Variants in LYST observed in about 807,000 individuals in gnomAD.
The protein encoded by LYST is lysosomal-trafficking regulator.
LYST carries 192 observed loss-of-function variants against 413.6 expected under a neutral mutation model. The ratio of observed to expected loss-of-function variants is 0.46; its 90% CI spans 0.41 to 0.52. LYST has a LOEUF of 0.52. Among genes scored for constraint, LYST ranks in the 20% least tolerant of loss-of-function variants. The pLI, the probability that LYST is intolerant of heterozygous loss-of-function variation, is 0.00. For synonymous variants in LYST, 1,525 were observed against 1,567.3 expected (o/e 0.97, Z 0.64); for missense variants, 3,815 against 4,499.9 (o/e 0.85, Z 4.35).
chr1:235,758,953 T>C lies in LYST; in HGVS notation c.6881+19A>G, dbSNP rs201902209. ...TAGTAAAATAAAGGTGGGAGGAGTG[T>C]ACAAAAACACATAAGTACCTGTGAG... On this transcript the variant is annotated intron_variant, in intron 23 of 52. Coordinates refer to ENST00000389793, the MANE Select transcript of LYST (RefSeq NM_000081.4). The C allele has an allele frequency of 1.9e-6, 3 of 1,613,262 alleles. No individual in the cohort carries two copies. Among genetic ancestry groups the C allele is most frequent in the Middle Eastern group, 1.7e-4 (1 of 6,056 alleles).
intron 17 of LYST, among the ~76,000 whole-genome samples, chr1:235,775,295 A>G (rs1483546622): frequency 6.6e-6 from 1 of 152,182 alleles, no homozygotes; most frequent in African/African-American, 2.4e-5. Flanking sequence ...TATATATACT[A>G]TAGTATACAA....
chr1:235,753,574 AT>A (rs1666703370), intron 25 of LYST, among the ~76,000 whole-genome samples: 1 of 152,164 alleles, frequency 6.6e-6, no homozygotes. Context: ...CAAAGAAACT[AT>A]GTTTGGGGGC....
In LYST at chr1:235,661,551, T is replaced by C. The variant is rs1658048098; in HGVS notation, c.*1389A>G. The stretch of plus-strand genomic sequence containing the variant: ...TAAGGTTAAAGCATACATGGCCACG[T>C]GCTTTCTCTCGAATCTATCTTGACA... On this transcript the variant is annotated 3_prime_UTR_variant, in exon 53 of 53. Transcript: ENST00000389793. The C allele has an allele frequency of 6.6e-6, 1 of 152,488 alleles. No individual in the cohort carries two copies. The highest frequency in any genetic ancestry group is 1.5e-5 in the Non-Finnish European group (1 of 68,032). 9.4% of individuals were successfully genotyped at this position (152,488 alleles called of 1,614,324 possible).
chr1:235,840,394 A>G lies in LYST; in HGVS notation c.-97-6727T>C, dbSNP rs527316548. Among the ~76,000 whole-genome samples, 5 of 152,338 alleles carry G rather than the reference A, an allele frequency of 3.3e-5. No individual in the cohort carries two copies. The South Asian group carries it at 1.0e-3, about 32-fold the overall frequency. On this transcript the variant is annotated intron_variant, in intron 1 of 52. Coordinates refer to ENST00000389793, the MANE Select transcript of LYST (RefSeq NM_000081.4). The stretch of plus-strand genomic sequence containing the variant: ...GTATCACAACTACAAAATGAGAAAC[A>G]GGAAAAGTGAGGATGGAGGGAGTGG...
At chr1:235,777,663 T>C (rs1400303458) in intron 16 of LYST, among the ~76,000 whole-genome samples, 6 of 152,208 alleles carry the variant, frequency 3.9e-5, no homozygotes, top group African/African-American at 9.6e-5. Flanking sequence ...CTTAAAAATA[T>C]TGGGAACTCT....
At chr1:235,835,557 G>A (rs755085625) in intron 1 of LYST, among the ~76,000 whole-genome samples, 1 of 152,188 alleles carries the variant, frequency 6.6e-6, no homozygotes, top group Non-Finnish European at 1.5e-5. Context: ...AGTTTACAAA[G>A]CCTCACTTGA....
intron 25 of LYST, among the ~76,000 whole-genome samples, chr1:235,754,229 CTTTT>C (rs71576486): frequency 2.4e-4 from 21 of 86,550 alleles, no homozygotes; most frequent in African/African-American, 5.0e-4. Flanking sequence ...CTTTTCTTTT[CTTTT>C]TTTTTTTTTT....
chr1:235,806,581 A>G lies in LYST; in HGVS notation c.2555T>C (p.Val852Ala), dbSNP rs748159666. Reference protein sequence around the residue: ...IDIEQKELSSVHVGTSFHHQQ... With the variant: ...IDIEQKELSSAHVGTSFHHQQ... ...ATGATGAAAAGAAGTACCCACATGT[A>G]CAGAGGACAACTCCTTCTGTTCAAT... The change falls in exon 6 of 53, where the codon GTA (valine) becomes GCA (alanine). Residue 852 changes from valine (V) to alanine (A), a missense_variant. Physicochemically the swap from Val to Ala is moderately conservative, Grantham distance 64. Transcript: ENST00000389793. 8.7e-6 allele frequency: 14 copies of G among 1,614,078 alleles called. No homozygotes were observed. The South Asian group carries it at 1.3e-4, about 15-fold the overall frequency.
In LYST at chr1:235,742,587, T is replaced by C. The variant is rs548510015; in HGVS notation, c.8152-959A>G. On this transcript the variant is annotated intron_variant, in intron 30 of 52. Coordinates refer to ENST00000389793, the MANE Select transcript of LYST (RefSeq NM_000081.4). ...ATTTTATGTTATATATATATATATA[T>C]ATCTTACCACAGTTTAAAAGAAGAC... 3.3e-5 allele frequency among the ~76,000 whole-genome samples: 5 copies of C among 151,192 alleles called. No individual in the cohort carries two copies. The East Asian group carries it at 9.7e-4, about 29-fold the overall frequency.
Position 235,661,369 on chromosome 1 carries a change from A to G in LYST, c.*1571T>C, listed in dbSNP as rs1300314519. ...AGTTCTCAGTAAAAAAATGAAAGCTAGACAATAGCTGCAATTTTTTGTTAA... is the reference window on the plus strand; with the variant it reads ...AGTTCTCAGTAAAAAAATGAAAGCTGGACAATAGCTGCAATTTTTTGTTAA... On this transcript the variant is annotated 3_prime_UTR_variant, in exon 53 of 53. Coordinates refer to ENST00000389793, the MANE Select transcript of LYST (RefSeq NM_000081.4). 1 of 152,562 alleles carries G rather than the reference A, an allele frequency of 6.6e-6. No individual in the cohort carries two copies. Among genetic ancestry groups the G allele is most frequent in the African/African-American group, 2.4e-5 (1 of 41,470 alleles). The allele number at this position is 152,562 out of a possible 1,614,324, so 9.5% of individuals were successfully genotyped here. A position where few individuals can be genotyped will look rare whatever the true frequency, so the allele number is the denominator to read the frequency against.
chr1:235,833,821 A>G (rs1676254446), intron 1 of LYST, among the ~76,000 whole-genome samples, 154 bp from the exon 2 acceptor site: 1 of 152,234 alleles, frequency 6.6e-6, no homozygotes, highest in Non-Finnish European at 1.5e-5. Context: ...TGCCTACTTC[A>G]AGAATTCCTC....
At chr1:235,803,483 T>C (rs2102843540) in intron 7 of LYST, among the ~76,000 whole-genome samples, 1 of 152,174 alleles carries the variant, frequency 6.6e-6, no homozygotes, top group East Asian at 1.9e-4. Context: ...ATAAGTTAGG[T>C]AACTAGAGCA....
intron 42 of LYST, among the ~76,000 whole-genome samples, chr1:235,713,579 G>C (rs1662583354): frequency 6.6e-6 from 1 of 152,330 alleles, no homozygotes; most frequent in South Asian, 2.1e-4. Context: ...GCAATGTCTA[G>C]CAACATTTTT....
rs540140648 is a variant in LYST, at chr1:235,804,391, C to A, written c.3555+113G>T. 3.5e-6 allele frequency: 3 copies of A among 847,558 alleles called. No homozygotes were observed. The African/African-American group carries it at 5.0e-5, about 14-fold the overall frequency. The allele number at this position is 847,558 out of a possible 1,614,324, so 52.5% of individuals were successfully genotyped here. On this transcript the variant is annotated intron_variant, in intron 7 of 52. Coordinates refer to ENST00000389793, the MANE Select transcript of LYST (RefSeq NM_000081.4). ...GATAAGATCCACTGAACTCATCTGACCAAGTCCTAGTCCATATGCTCTAAT... is the reference window on the plus strand; with the variant it reads ...GATAAGATCCACTGAACTCATCTGAACAAGTCCTAGTCCATATGCTCTAAT...
chr1:235,800,819 G>T, intron 9 of LYST, 52 bp downstream of exon 9: 3 of 1,217,294 alleles, frequency 2.5e-6, no homozygotes, highest in Non-Finnish European at 3.6e-6. Flanking sequence ...AGATGTTATT[G>T]GGTGATGAGT....
chr1:235,854,465 G>A lies in LYST; in HGVS notation c.-98+12378C>T, dbSNP rs1467031405. ...TCTTTCAGTAAATGGCCTCTACCCAGTGACTGAGGTGAGAAACCAGAATAG... is the reference window on the plus strand; with the variant it reads ...TCTTTCAGTAAATGGCCTCTACCCAATGACTGAGGTGAGAAACCAGAATAG... On this transcript the variant is annotated intron_variant, in intron 1 of 52. Transcript: ENST00000389793. The surrounding 1 kb of genome is among the most constrained non-coding windows in gnomAD (Gnocchi z 4.1). 2.6e-5 allele frequency among the ~76,000 whole-genome samples: 4 copies of A among 152,134 alleles called. No individual in the cohort carries two copies. Among genetic ancestry groups the A allele is most frequent in the African/African-American group, 9.7e-5 (4 of 41,412 alleles).
At chr1:235,810,565 A>T in intron 4 of LYST, 31 bp from the exon 5 acceptor site, 1 of 1,588,108 alleles carries the variant, frequency 6.3e-7, no homozygotes, top group Non-Finnish European at 8.6e-7. Context: ...GGCTTAGAAT[A>T]CCTCAATATG....
intron 1 of LYST, among the ~76,000 whole-genome samples, chr1:235,846,169 G>A (rs1210868626): frequency 1.3e-5 from 2 of 152,134 alleles, no homozygotes; most frequent in Non-Finnish European, 2.9e-5. Context: ...CCATGGCTGA[G>A]AGACCCATAG....
intron 38 of LYST, 144 bp downstream of exon 38, chr1:235,727,932 A>T (rs945929403): frequency 6.3e-6 from 4 of 632,962 alleles, no homozygotes; most frequent in Non-Finnish European, 1.1e-5. Context: ...TATTTAAAAA[A>T]ATGTTTGGAA....
Sources: gnomAD v4.1 joint callset for allele counts (sites outside exome capture counted in the v4.1 genomes callset) on GRCh38, gnomAD v4.1.1 for gene constraint, Gnocchi (gnomAD v3.1) non-coding constraint, MANE v1.5 for transcripts, NCBI Gene and HGNC (gene_info 2026-07-23, HGNC 2026-07-21) for gene names.